The following MEGF8 variants were observed in gnomAD, a reference collection of about 807,000 sequenced individuals.
MEGF8 encodes the protein multiple EGF like domains 8, also known as multiple epidermal growth factor-like domains protein 8.
MEGF8 carries 156 observed loss-of-function variants against 302.9 expected under a neutral mutation model. The observed-to-expected ratio is 0.52, with a 90% CI of 0.45 to 0.59. The LOEUF is 0.59. Among genes scored for constraint, MEGF8 ranks in the 20% least tolerant of loss-of-function variants. MEGF8 has a pLI of 0.00. For synonymous variants in MEGF8, 1,621 were observed against 1,660.5 expected (o/e 0.98, Z 0.58); for missense variants, 3,345 against 3,964.5 (o/e 0.84, Z 4.20).
intron 40 of MEGF8, 29 bp from the exon 41 acceptor site, chr19:42,371,321 G>A (rs1338503662): frequency 6.2e-7 from 1 of 1,611,932 alleles, no homozygotes; most frequent in Non-Finnish European, 8.5e-7. Context: ...AGGCCATGGG[G>A]GCTCCGTAAC....
chr19:42,368,313 GT>G lies in MEGF8; in HGVS notation c.6274-141del. Reference sequence around the variant, plus strand: ...GGAAAACATGATGACCCCAGCTAGTGTCCACTTTGCTCTACCTGTGGCCAGG... The same window carrying G: ...GGAAAACATGATGACCCCAGCTAGTGCCACTTTGCTCTACCTGTGGCCAGG... On this transcript the variant is annotated intron_variant, in intron 35 of 41. Transcript: ENST00000251268. The surrounding 1 kb of genome is among the most constrained non-coding windows in gnomAD (Gnocchi z 4.9). The G allele has an allele frequency of 1.5e-6, 1 of 681,972 alleles. No homozygotes were observed. Among genetic ancestry groups the G allele is most frequent in the Non-Finnish European group, 2.5e-6 (1 of 404,938 alleles). The allele number at this position is 681,972 out of a possible 1,614,324, so 42.2% of individuals were successfully genotyped here.
rs752581759 is a variant in MEGF8 at position 42,335,253 on chromosome 19, C to T, written c.739+38C>T. 41 of 1,613,840 alleles carry T rather than the reference C, an allele frequency of 2.5e-5. No homozygotes were observed. In the Middle Eastern group the frequency reaches 6.6e-4, roughly 26 times the overall value. ...GGCGAGTATCTGGGATCTGGAGGCC[C>T]GGCAGCCTATGGCCAGGGCATGAGA... On this transcript the variant is annotated intron_variant, in intron 4 of 41. Transcript: ENST00000251268.
At chr19:42,370,917 A>G in intron 40 of MEGF8, 86 bp downstream of exon 40, 2 of 509,762 alleles carry the variant, frequency 3.9e-6, no homozygotes, top group Non-Finnish European at 7.1e-6. Flanking sequence ...CTCTGGAGCC[A>G]GGCCCCCTCT....
chr19:42,325,891 T>G lies in MEGF8; in HGVS notation c.-353T>G. ...GGGACCCACCCGTCTATAAGGTCCGTTTGGCCTGCAGCAGCCTGAGTCCGT... is the reference window on the plus strand; with the variant it reads ...GGGACCCACCCGTCTATAAGGTCCGGTTGGCCTGCAGCAGCCTGAGTCCGT... On this transcript the variant is annotated 5_prime_UTR_variant, in exon 1 of 42. Coordinates refer to ENST00000251268, the MANE Select transcript of MEGF8 (RefSeq NM_001271938.2). 2 of 217,142 alleles carry G rather than the reference T, an allele frequency of 9.2e-6. No homozygotes were observed. Among genetic ancestry groups the G allele is most frequent in the Admixed American group, 5.8e-5 (1 of 17,096 alleles). The allele number at this position is 217,142 out of a possible 1,614,324, so 13.5% of individuals were successfully genotyped here.
chr19:42,344,834 G>T lies in MEGF8; in HGVS notation c.2097+1G>T. On this transcript the variant is annotated splice_donor_variant, in intron 12 of 41. Coordinates refer to ENST00000251268, the MANE Select transcript of MEGF8 (RefSeq NM_001271938.2). LOFTEE classifies it high-confidence loss of function. This position sits in a 1 kb window ranked among gnomAD's most constrained non-coding sequence, Gnocchi z 4.5. ...GCCCAATACCTCCCAGCCTGACAAG[G>T]TGGGTAGGAGGCGTGGCCCTGGGTG... 6.4e-7 allele frequency: 1 copy of T among 1,562,312 alleles called. No homozygotes were observed. Among genetic ancestry groups the T allele is most frequent in the Non-Finnish European group, 8.7e-7 (1 of 1,151,854 alleles).
At chr19:42,363,911 C>G (rs1426960120) in intron 35 of MEGF8, among the ~76,000 whole-genome samples, 1 of 152,224 alleles carries the variant, frequency 6.6e-6, no homozygotes, top group African/African-American at 2.4e-5. Flanking sequence ...AGATTGCAGC[C>G]TTGACTCCCA....
At position 42,326,440 on chromosome 19, in the gene MEGF8, G is replaced by T; in HGVS notation, c.187+10G>T. On this transcript the variant is annotated intron_variant, in intron 1 of 41. Coordinates refer to ENST00000251268, the MANE Select transcript of MEGF8 (RefSeq NM_001271938.2). ...GAGTGGCTCATCGAGGGTGAGTGGGGCCGCGTGGGTCACTCACTAATTCGC... is the reference window on the plus strand; with the variant it reads ...GAGTGGCTCATCGAGGGTGAGTGGGTCCGCGTGGGTCACTCACTAATTCGC... 1 of 1,526,432 alleles carries T rather than the reference G, an allele frequency of 6.6e-7. No individual in the cohort carries two copies. The allele number at this position is 1,526,432 out of a possible 1,614,324, so 94.6% of individuals were successfully genotyped here.
rs1188783076 is a variant in MEGF8 at position 42,352,765 on chromosome 19, T to G, written c.3351-163T>G. On this transcript the variant is annotated intron_variant, in intron 19 of 41. Coordinates refer to ENST00000251268, the MANE Select transcript of MEGF8 (RefSeq NM_001271938.2). The surrounding 1 kb of genome is among the most constrained non-coding windows in gnomAD (Gnocchi z 4.4). ...TATGTGGTTGCTATAGAGACAGGCT[T>G]GGTGATGCATGGAGTTACCTTGGAG... 1 of 643,634 alleles carries G rather than the reference T, an allele frequency of 1.6e-6. No homozygotes were observed. The highest frequency in any genetic ancestry group is 2.7e-6 in the Non-Finnish European group (1 of 371,996). The allele number at this position is 643,634 out of a possible 1,614,324, so 39.9% of individuals were successfully genotyped here.
At chr19:42,362,754 TCTC>T (rs2039550826) in intron 34 of MEGF8, among the ~76,000 whole-genome samples, 157 bp downstream of exon 34, 1 of 136,024 alleles carries the variant, frequency 7.4e-6, no homozygotes, top group African/African-American at 2.9e-5. Context: ...GGGCCCCTGA[TCTC>T]CTGGGTCTGA....
chr19:42,353,014 C>T lies in MEGF8; in HGVS notation c.3437C>T (p.Pro1146Leu). 2.5e-6 allele frequency: 4 copies of T among 1,569,322 alleles called. No individual in the cohort carries two copies. The highest frequency in any genetic ancestry group is 3.7e-5 in the Admixed American group (2 of 53,526). ...VCDLGWTSDLPPPTPAPGPPA... is the reference protein window; with the variant it reads ...VCDLGWTSDLLPPTPAPGPPA... ...GACCTAGGCTGGACATCAGACCTGC[C>T]CCCTCCCACACCCGCCCCGGGTCCG... Residue 1146 changes from proline (P) to leucine (L), a missense_variant, in exon 20 of 42, where the codon CCC becomes CTC. By Grantham distance (98) the Pro-to-Leu change is moderately conservative. Coordinates refer to ENST00000251268, the MANE Select transcript of MEGF8 (RefSeq NM_001271938.2). This position sits in a 1 kb window ranked among gnomAD's most constrained non-coding sequence, Gnocchi z 6.1.
In MEGF8 at chr19:42,353,701, G is replaced by A. The variant is rs373426932; in HGVS notation, c.3761+26G>A. On this transcript the variant is annotated intron_variant, in intron 21 of 41. Transcript: ENST00000251268. The surrounding 1 kb of genome is among the most constrained non-coding windows in gnomAD (Gnocchi z 6.1). The stretch of plus-strand genomic sequence containing the variant: ...GTGAGCCAACGGGCCAGCCAGGGCT[G>A]GGTAGGGTGTGCTTGGGGACACAGT... 6.3e-7 allele frequency: 1 copy of A among 1,575,542 alleles called. No homozygotes were observed. The highest frequency in any genetic ancestry group is 1.3e-5 in the African/African-American group (1 of 74,398).
chr19:42,335,230 C>T lies in MEGF8; in HGVS notation c.739+15C>T, dbSNP rs762604926. The T allele has an allele frequency of 1.7e-5, 28 of 1,613,844 alleles. No homozygotes were observed. The highest frequency in any genetic ancestry group is 8.3e-5 in the Admixed American group (5 of 59,984). The stretch of plus-strand genomic sequence containing the variant: ...AGTTTTCGGAGGTGAGCAGATGGGG[C>T]GAGTATCTGGGATCTGGAGGCCCGG... On this transcript the variant is annotated intron_variant, in intron 4 of 41. Coordinates refer to ENST00000251268, the MANE Select transcript of MEGF8 (RefSeq NM_001271938.2).
chr19:42,376,405 C>A lies in MEGF8; in HGVS notation c.8168C>A (p.Pro2723His). ...SAWKPAGLPP[P>H]AFRRSEPFLA... ...TGGAAGCCGGCTGGGCTCCCACCTC[C>A]CGCCTTCCGCCGCTCTGAGCCCTTC... Residue 2723 changes from proline to histidine, a missense_variant, in exon 42 of 42, where the codon CCC (proline) becomes CAC (histidine). Physicochemically the swap from Pro to His is moderately conservative, Grantham distance 77. Transcript: ENST00000251268. This position sits in a 1 kb window ranked among gnomAD's most constrained non-coding sequence, Gnocchi z 8.2. The A allele has an allele frequency of 6.2e-7, 1 of 1,612,720 alleles. No homozygotes were observed. The highest frequency in any genetic ancestry group is 8.5e-7 in the Non-Finnish European group (1 of 1,179,698).
chr19:42,353,737 A>G lies in MEGF8; in HGVS notation c.3762-38A>G, dbSNP rs1210406402. The stretch of plus-strand genomic sequence containing the variant: ...GCTTGGGGACACAGTGGGGAGGGTC[A>G]GGACTGGTCTGACACTGGCTCTTCT... On this transcript the variant is annotated intron_variant, in intron 21 of 41. Coordinates refer to ENST00000251268, the MANE Select transcript of MEGF8 (RefSeq NM_001271938.2). The surrounding 1 kb of genome is among the most constrained non-coding windows in gnomAD (Gnocchi z 6.1). 21 of 1,578,826 alleles carry G rather than the reference A, an allele frequency of 1.3e-5. 1 individual carries two copies. Among genetic ancestry groups the G allele is most frequent in the Non-Finnish European group, 1.5e-5 (17 of 1,158,208 alleles).
In MEGF8 at chr19:42,336,095, C is replaced by T; in HGVS notation, c.993C>T (p.Pro331=). 6.2e-7 allele frequency: 1 copy of T among 1,603,608 alleles called. No homozygotes were observed. ...CACCTGCCTCCAGCTCCTCGGGGCC[C>T]CCAGGCCTGGCAGGTCACGCGGCTG... ...LAPPASSSSG[P]PGLAGHAAAL... Residue 331 remains proline, a synonymous_variant, in exon 6 of 42, where the codon CCC becomes CCT. Transcript: ENST00000251268. This position sits in a 1 kb window ranked among gnomAD's most constrained non-coding sequence, Gnocchi z 4.8.
chr19:42,357,049 C>T lies in MEGF8; in HGVS notation c.4830+68C>T, dbSNP rs1482480292. On this transcript the variant is annotated intron_variant, in intron 27 of 41. Transcript: ENST00000251268. The surrounding 1 kb of genome is among the most constrained non-coding windows in gnomAD (Gnocchi z 5.2). ...GCCCTGACAGAGACAGCTGTGGTAG[C>T]TCCTGCCAGCTCCATCCCCAGAGGA... The T allele has an allele frequency of 2.1e-6, 3 of 1,399,758 alleles. No homozygotes were observed. The African/African-American group carries it at 4.3e-5, about 20-fold the overall frequency. 86.7% of individuals were successfully genotyped at this position (1,399,758 alleles called of 1,614,324 possible).
In MEGF8 at chr19:42,375,273, C is replaced by T. The variant is rs549549725; in HGVS notation, c.7270-234C>T. Among the ~76,000 whole-genome samples, 32 of 152,314 alleles carry T rather than the reference C, an allele frequency of 2.1e-4. No individual in the cohort carries two copies. The highest frequency in any genetic ancestry group is 3.4e-3 in the Middle Eastern group (1 of 294). ...CCAGAGGCCTCAGTATCAGGGTGCTCAGGTCACTAGGGTGGCACCAGGGGC... is the reference window on the plus strand; with the variant it reads ...CCAGAGGCCTCAGTATCAGGGTGCTTAGGTCACTAGGGTGGCACCAGGGGC... On this transcript the variant is annotated intron_variant, in intron 41 of 41. Coordinates refer to ENST00000251268, the MANE Select transcript of MEGF8 (RefSeq NM_001271938.2). The surrounding 1 kb of genome is among the most constrained non-coding windows in gnomAD (Gnocchi z 7.1).
Position 42,376,197 on chromosome 19 carries a change from G to A in MEGF8, c.7960G>A (p.Val2654Ile), listed in dbSNP as rs373377277. The change falls in exon 42 of 42, where the codon GTC (valine) becomes ATC (isoleucine). Residue 2654 changes from valine to isoleucine, a missense_variant. Physicochemically the swap from Val to Ile is conservative, Grantham distance 29 (BLOSUM62 3). Coordinates refer to ENST00000251268, the MANE Select transcript of MEGF8 (RefSeq NM_001271938.2). This position sits in a 1 kb window ranked among gnomAD's most constrained non-coding sequence, Gnocchi z 8.2. ...CATTGACCTGTTTGTCTTCTTCTCCGTCTTCTTCTCCTGCTTCTTCCTCTT... is the reference window on the plus strand; with the variant it reads ...CATTGACCTGTTTGTCTTCTTCTCCATCTTCTTCTCCTGCTTCTTCCTCTT... ...AHIDLFVFFS[V>I]FFSCFFLFLS... is the part of the protein sequence containing the mutation. 3.1e-6 allele frequency: 5 copies of A among 1,606,384 alleles called. No homozygotes were observed. Among genetic ancestry groups the A allele is most frequent in the East Asian group, 2.3e-5 (1 of 44,416 alleles).
intron 1 of MEGF8, among the ~76,000 whole-genome samples, chr19:42,331,858 C>T (rs1027705816): frequency 2.7e-5 from 4 of 147,694 alleles, no homozygotes; most frequent in Non-Finnish European, 4.5e-5. Context: ...GCGTGACCCA[C>T]GGCACCCAGC....
Sources: gnomAD v4.1 joint callset for allele counts (sites outside exome capture counted in the v4.1 genomes callset) on GRCh38, gnomAD v4.1.1 for gene constraint, Gnocchi (gnomAD v3.1) non-coding constraint, MANE v1.5 for transcripts, NCBI Gene and HGNC (gene_info 2026-07-23, HGNC 2026-07-21) for gene names.